The following RYR2 variants were observed in gnomAD, a reference collection of about 807,000 sequenced individuals.
The protein encoded by RYR2 is cardiac muscle ryanodine receptor-calcium release channel.
In RYR2, 227 loss-of-function variants were observed where a neutral mutation model predicts 601.1. The observed-to-expected ratio is 0.38, with a 90% CI of 0.34 to 0.42. The LOEUF (loss-of-function observed/expected upper bound fraction) is 0.42, where lower values mean the gene tolerates loss of function less well. RYR2 is among the 10% of genes least tolerant of loss of function. The pLI is 1.00. For missense variants in RYR2, 4,646 were observed against 6,156.5 expected (o/e 0.75, Z 8.21); for synonymous variants, 2,223 against 2,175.1 (o/e 1.02, Z -0.61).
intron 8 of RYR2, among the ~76,000 whole-genome samples, chr1:237,384,951 G>A (rs1022002141): frequency 4.6e-5 from 7 of 151,910 alleles, no homozygotes; most frequent in South Asian, 4.2e-4. Context: ...GTGCAGTGGC[G>A]TGATCTCGGC....
At chr1:237,799,278 G>C (rs1222347148) in intron 97 of RYR2, among the ~76,000 whole-genome samples, 1 of 152,074 alleles carries the variant, frequency 6.6e-6, no homozygotes, top group African/African-American at 2.4e-5. Context: ...CCTTATGTTA[G>C]AATATCATGA....
intron 35 of RYR2, among the ~76,000 whole-genome samples, chr1:237,607,061 A>G (rs1677206374): frequency 6.6e-6 from 1 of 152,270 alleles, no homozygotes; most frequent in Non-Finnish European, 1.5e-5. Context: ...TGACCTAGCC[A>G]TCCCATTACT....
At chr1:237,591,407 C>A (rs543771641) in intron 31 of RYR2, among the ~76,000 whole-genome samples, 2 of 151,970 alleles carry the variant, frequency 1.3e-5, no homozygotes, top group Admixed American at 1.3e-4. Flanking sequence ...ATGATAAAGG[C>A]GGCAAGTTAT....
At position 237,317,803 on chromosome 1, in the gene RYR2, C is replaced by T. The variant is rs544267038; in HGVS notation, c.169-13075C>T. ...TTTCACCTCTTACGGTTAATGTTTT[C>T]ATCATGTGCATTTTTTGTGTTCTTT... On this transcript the variant is annotated intron_variant, in intron 2 of 104. Transcript: ENST00000366574. Among the ~76,000 whole-genome samples the T allele has an allele frequency of 5.3e-4, 80 of 152,022 alleles. 4 individuals are homozygous for T. In the South Asian group the frequency reaches 0.013, roughly 24 times the overall value.
chr1:237,730,745 G>A (rs1690608401), intron 77 of RYR2, among the ~76,000 whole-genome samples: 1 of 152,096 alleles, frequency 6.6e-6, no homozygotes, highest in African/African-American at 2.4e-5. Context: ...AAAATTGCTG[G>A]TTTTTAGAAA....
intron 48 of RYR2, among the ~76,000 whole-genome samples, chr1:237,647,963 C>T (rs1020675647): frequency 9.9e-5 from 15 of 152,134 alleles, no homozygotes; most frequent in African/African-American, 2.7e-4. Context: ...CATATGAAAG[C>T]CATACTGGTT....
At chr1:237,549,410 AC>A in intron 26 of RYR2, among the ~76,000 whole-genome samples, 2 of 152,202 alleles carry the variant, frequency 1.3e-5, no homozygotes, top group Middle Eastern at 6.8e-3. Context: ...GACCGTCTCT[AC>A]AAAAAATTAA....
At chr1:237,616,052 A>T (rs934081038) in intron 37 of RYR2, among the ~76,000 whole-genome samples, 2 of 152,088 alleles carry the variant, frequency 1.3e-5, no homozygotes, top group African/African-American at 4.8e-5. Context: ...AGAGAGTGTG[A>T]TCTAGTGTCT....
At chr1:237,428,944 A>T (rs989980421) in intron 12 of RYR2, among the ~76,000 whole-genome samples, 1 of 151,952 alleles carries the variant, frequency 6.6e-6, no homozygotes, top group Non-Finnish European at 1.5e-5. Flanking sequence ...CACACACCAC[A>T]CACCTCACAC....
chr1:237,473,244 T>C lies in RYR2; in HGVS notation c.1708+4057T>C, dbSNP rs950081098. On this transcript the variant is annotated intron_variant, in intron 17 of 104. Coordinates refer to ENST00000366574, the MANE Select transcript of RYR2 (RefSeq NM_001035.3). Reference sequence around the variant, plus strand: ...TTTGAAACCAGCCTGGCCAACATGATGAAACCCTGTCTCTACTAAAAATAC... The same window carrying C: ...TTTGAAACCAGCCTGGCCAACATGACGAAACCCTGTCTCTACTAAAAATAC... 2.0e-5 allele frequency among the ~76,000 whole-genome samples: 3 copies of C among 152,012 alleles called. No homozygotes were observed. The East Asian group carries it at 5.8e-4, about 30-fold the overall frequency.
At chr1:237,599,027 C>T (rs1676204402) in intron 34 of RYR2, among the ~76,000 whole-genome samples, 2 of 151,924 alleles carry the variant, frequency 1.3e-5, no homozygotes, top group South Asian at 4.1e-4. Context: ...AATTGGATAA[C>T]CTAGAAGAAA....
chr1:237,578,240 A>AG (rs1279945806), intron 29 of RYR2, among the ~76,000 whole-genome samples: 9 of 152,142 alleles, frequency 5.9e-5, no homozygotes, highest in Non-Finnish European at 1.3e-4. Context: ...GATAAGGTGA[A>AG]GGGGGGTGTG....
intron 27 of RYR2, among the ~76,000 whole-genome samples, chr1:237,556,880 C>CAAAAAAAAAAAA (rs869116177): frequency 1.3e-5 from 1 of 77,840 alleles, no homozygotes; most frequent in Non-Finnish European, 2.3e-5. Context: ...TCCCTCCCAC[C>CAAAAAAAAAAAA]AAAAAAAAAA....
At chr1:237,118,690 G>A (rs1177108172) in intron 1 of RYR2, among the ~76,000 whole-genome samples, 4 of 151,930 alleles carry the variant, frequency 2.6e-5, no homozygotes, top group Admixed American at 6.6e-5. Context: ...TGCAACCTCC[G>A]CCTCCCGGAT....
chr1:237,507,266 G>T (rs1665368789), intron 23 of RYR2, among the ~76,000 whole-genome samples: 1 of 152,318 alleles, frequency 6.6e-6, no homozygotes, highest in East Asian at 1.9e-4. Context: ...AGTGTTCCTA[G>T]TTGGTTTCAC....
At chr1:237,377,748 T>A (rs1244060490) in intron 8 of RYR2, among the ~76,000 whole-genome samples, 1 of 152,192 alleles carries the variant, frequency 6.6e-6, no homozygotes, top group Admixed American at 6.5e-5. Flanking sequence ...GAATTAAAAA[T>A]TCTATGGTCT....
At chr1:237,832,148 C>T (rs1349408571) in intron 104 of RYR2, among the ~76,000 whole-genome samples, 2 of 152,070 alleles carry the variant, frequency 1.3e-5, no homozygotes, top group Admixed American at 6.5e-5. Context: ...AATAAATCCT[C>T]CTGTTTCAGC....
In RYR2 at chr1:237,791,915, T is replaced by TATTCAACCAAA. The variant is rs1441421202; in HGVS notation, c.13564-189_13564-188insTTCAACCAAAA. ...TTTTTGGTTGAATAAGAATGAATTT[T>TATTCAACCAAA]AAAAGTATGTTCATTACTTGCCTTT... is the stretch of plus-strand genomic sequence containing the variant. On this transcript the variant is annotated intron_variant, in intron 93 of 104. Coordinates refer to ENST00000366574, the MANE Select transcript of RYR2 (RefSeq NM_001035.3). The TATTCAACCAAA allele has an allele frequency of 1.0e-5, 6 of 597,052 alleles. No individual in the cohort carries two copies. The African/African-American group carries it at 1.1e-4, about 11-fold the overall frequency. 37.0% of individuals were successfully genotyped at this position (597,052 alleles called of 1,614,324 possible).
At chr1:237,464,764 G>T (rs1441913433) in intron 16 of RYR2, among the ~76,000 whole-genome samples, 1 of 152,130 alleles carries the variant, frequency 6.6e-6, no homozygotes, top group Non-Finnish European at 1.5e-5. Flanking sequence ...TTTTATAGCA[G>T]ATGTTTTCAA....
Sources: allele counts gnomAD v4.1 joint callset (sites outside exome capture counted in the v4.1 genomes callset), GRCh38; gene constraint gnomAD v4.1.1; transcripts MANE v1.5; gene names NCBI Gene and HGNC (gene_info 2026-07-23, HGNC 2026-07-21).